The following XKR4 variants were observed in gnomAD, a reference collection of about 807,000 sequenced individuals.
XKR4 encodes XK related 4.
A neutral mutation model predicts 53.9 loss-of-function variants in XKR4; 12 were observed. The ratio of observed to expected loss-of-function variants is 0.22; its 90% confidence interval spans 0.14 to 0.36. The LOEUF is 0.36. Among genes scored for constraint, XKR4 ranks in the 10% least tolerant of loss-of-function variants. The pLI, the probability that XKR4 is intolerant of heterozygous loss-of-function variation, is 1.00. For synonymous variants in XKR4, 354 were observed against 362.4 expected, an observed-to-expected ratio of 0.98 and a Z score of 0.26; for missense variants, 799 against 859.5, an observed-to-expected ratio of 0.93 and a Z score of 0.88.
intron 1 of XKR4, among the ~76,000 whole-genome samples, chr8:55,292,506 T>C (rs1362926469): frequency 6.6e-6 from 1 of 152,164 alleles, no homozygotes; most frequent in African/African-American, 2.4e-5. Flanking sequence ...GTCACCTGTT[T>C]CATTCTGGAT....
intron 1 of XKR4, among the ~76,000 whole-genome samples, chr8:55,288,153 C>A (rs761355282): frequency 6.6e-6 from 1 of 152,142 alleles, no homozygotes; most frequent in East Asian, 1.9e-4. Context: ...AGATTGGATA[C>A]CCCTAGAGTA....
chr8:55,524,018 A>T lies in XKR4; in HGVS notation c.1744A>T (p.Thr582Ser). ...VFQVRPTAPS[T>S]PSSRPPRIEE... ...TCAAGTGAGGCCCACTGCCCCATCC[A>T]CCCCATCATCTCGCCCACCACGGAT... The change falls in exon 3 of 3, where the codon ACC becomes TCC. Residue 582 changes from threonine (T) to serine (S), a missense_variant. Physicochemically the swap from Thr to Ser is moderately conservative, Grantham distance 58 (BLOSUM62 1). Transcript: ENST00000327381. 1 of 1,614,138 alleles carries T rather than the reference A, an allele frequency of 6.2e-7. No homozygotes were observed. Among genetic ancestry groups the T allele is most frequent in the Non-Finnish European group, 8.5e-7 (1 of 1,180,034 alleles).
Position 55,500,181 on chromosome 8 carries a change from C to CAAAAA in XKR4, c.1007-23080_1007-23076dup, listed in dbSNP as rs36233927. On this transcript the variant is annotated intron_variant, in intron 2 of 2. Transcript: ENST00000327381. ...AAGCATCTGCTCCTTCAAATTGGGC[C>CAAAAA]AAAAAAAAAAAAAAAAAAAAAAAAC... Among the ~76,000 whole-genome samples the CAAAAA allele has an allele frequency of 1.3e-4, 15 of 115,582 alleles. 1 individual carries two copies. The highest frequency in any genetic ancestry group is 5.2e-4 in the African/African-American group (13 of 25,230). The allele number at this position is 115,582 out of a possible 152,430, so 75.8% of individuals were successfully genotyped here.
chr8:55,359,862 G>A (rs942685669), intron 2 of XKR4, among the ~76,000 whole-genome samples: 22 of 152,084 alleles, frequency 1.4e-4, no homozygotes, highest in African/African-American at 3.6e-4. Flanking sequence ...CCTAAACATA[G>A]GAACCAAGAG....
rs112199344 is a variant in XKR4, at chr8:55,110,758, T to C, written c.806+7464T>C. Among the ~76,000 whole-genome samples, 239 of 152,340 alleles carry C rather than the reference T, an allele frequency of 1.6e-3. 1 individual carries two copies. The highest frequency in any genetic ancestry group is 5.6e-3 in the African/African-American group (233 of 41,590). ...TTTTTCATTGAATTCTTACCTATACTTGACTATCTGAAAATATACTTATAT... is the reference window on the plus strand; with the variant it reads ...TTTTTCATTGAATTCTTACCTATACCTGACTATCTGAAAATATACTTATAT... On this transcript the variant is annotated intron_variant, in intron 1 of 2. Coordinates refer to ENST00000327381, the MANE Select transcript of XKR4 (RefSeq NM_052898.2).
chr8:55,460,913 G>A (rs1242683558), intron 2 of XKR4, among the ~76,000 whole-genome samples: 1 of 152,246 alleles, frequency 6.6e-6, no homozygotes, highest in Non-Finnish European at 1.5e-5. Flanking sequence ...CAAACTGCAA[G>A]GTGGCAGCGA....
At chr8:55,127,730 C>G (rs556159744) in intron 1 of XKR4, among the ~76,000 whole-genome samples, 2 of 128,464 alleles carry the variant, frequency 1.6e-5, no homozygotes, top group South Asian at 3.3e-4. Context: ...ATCCCTCCCC[C>G]CTCCCCCACC....
chr8:55,140,586 G>A (rs549193536), intron 1 of XKR4, among the ~76,000 whole-genome samples: 3 of 152,326 alleles, frequency 2.0e-5, no homozygotes. Context: ...CATTGCTCTG[G>A]GGTTTTCAAC....
chr8:55,332,868 A>T (rs1803401487), intron 1 of XKR4, among the ~76,000 whole-genome samples: 1 of 149,574 alleles, frequency 6.7e-6, no homozygotes, highest in Admixed American at 6.7e-5. Context: ...TATGTATGTT[A>T]GTTTGCTTGA....
intron 1 of XKR4, among the ~76,000 whole-genome samples, chr8:55,335,918 G>T (rs1184876062): frequency 1.3e-5 from 2 of 151,872 alleles, no homozygotes; most frequent in African/African-American, 4.8e-5. Context: ...GGTTAGTGTT[G>T]GTGGTGGTTA....
At chr8:55,183,038 G>A (rs991346505) in intron 1 of XKR4, among the ~76,000 whole-genome samples, 5 of 151,998 alleles carry the variant, frequency 3.3e-5, no homozygotes, top group Non-Finnish European at 7.4e-5. Context: ...AATTTATGAG[G>A]AGAGAATTGT....
intron 2 of XKR4, among the ~76,000 whole-genome samples, chr8:55,472,021 A>G (rs1219114442): frequency 6.6e-6 from 1 of 152,174 alleles, no homozygotes; most frequent in East Asian, 1.9e-4. Flanking sequence ...ACAGGAGAAT[A>G]AATCTAGGAT....
intron 2 of XKR4, among the ~76,000 whole-genome samples, chr8:55,379,851 T>G (rs1181521322): frequency 1.3e-5 from 2 of 152,212 alleles, no homozygotes; most frequent in Non-Finnish European, 2.9e-5. Context: ...TCCAGGCTGG[T>G]GCACCAAGCT....
intron 2 of XKR4, among the ~76,000 whole-genome samples, chr8:55,384,571 T>A (rs1383070649): frequency 6.6e-6 from 1 of 152,246 alleles, no homozygotes; most frequent in Non-Finnish European, 1.5e-5. Flanking sequence ...TCTCCTTTTT[T>A]TGCTGTGTTT....
At chr8:55,390,768 A>C (rs1438221389) in intron 2 of XKR4, among the ~76,000 whole-genome samples, 1 of 152,212 alleles carries the variant, frequency 6.6e-6, no homozygotes, top group Admixed American at 6.5e-5. Context: ...GTACCTGGGC[A>C]GTGGCCTTGA....
chr8:55,366,223 G>T (rs1803984363), intron 2 of XKR4, among the ~76,000 whole-genome samples: 1 of 152,244 alleles, frequency 6.6e-6, no homozygotes, highest in South Asian at 2.1e-4. Context: ...AGCCAGTCAG[G>T]GAGTCCAGAA....
intron 2 of XKR4, among the ~76,000 whole-genome samples, chr8:55,360,786 G>C (rs1238182565): frequency 1.3e-5 from 2 of 152,174 alleles, no homozygotes; most frequent in East Asian, 3.9e-4. Flanking sequence ...TTTTATAACT[G>C]TTATTAGGTA....
intron 1 of XKR4, among the ~76,000 whole-genome samples, chr8:55,171,967 T>C (rs920165527): frequency 8.5e-5 from 13 of 152,082 alleles, no homozygotes; most frequent in African/African-American, 2.9e-4. Context: ...ATCATTAAAA[T>C]TCTTCCCTGG....
Position 55,467,504 on chromosome 8 carries a change from G to T in XKR4, c.1007-55777G>T, listed in dbSNP as rs939705013. On this transcript the variant is annotated intron_variant, in intron 2 of 2. Transcript: ENST00000327381. Reference sequence around the variant, plus strand: ...GTTTACTGAGTTGGGAGTTGGCGAGGGTTGGGACTGGGGGCCATCTTAGAA... The same window carrying T: ...GTTTACTGAGTTGGGAGTTGGCGAGTGTTGGGACTGGGGGCCATCTTAGAA... 1.3e-5 allele frequency among the ~76,000 whole-genome samples: 2 copies of T among 152,094 alleles called. 1 individual carries two copies. The highest frequency in any genetic ancestry group is 2.9e-5 in the Non-Finnish European group (2 of 68,030).
Sources: allele counts gnomAD v4.1 joint callset (sites outside exome capture counted in the v4.1 genomes callset), GRCh38; gene constraint gnomAD v4.1.1; transcripts MANE v1.5; gene names NCBI Gene and HGNC (gene_info 2026-07-23, HGNC 2026-07-21).